TGFA: variants seen among roughly 807,000 people sequenced by gnomAD.
TGFA encodes the protein transforming growth factor alpha.
A neutral mutation model predicts 21.7 loss-of-function variants in TGFA; 12 were observed. The observed-to-expected ratio is 0.55, with a 90% CI of 0.35 to 0.90. The LOEUF is 0.90. Ranked by LOEUF, TGFA falls within the 40% of genes least tolerant of loss-of-function variation. The probability of loss-of-function intolerance (pLI) is 0.01; values close to 1 mark genes in which losing one functional copy is unlikely to be tolerated. For synonymous variants in TGFA, 79 were observed against 88.1 expected (o/e 0.90, Z 0.58); for missense variants, 178 against 210.8 (o/e 0.84, Z 0.96).
At chr2:70,452,336 A>T (rs1448094763) in intron 5 of TGFA, among the ~76,000 whole-genome samples, 1 of 152,190 alleles carries the variant, frequency 6.6e-6, no homozygotes, top group Admixed American at 6.5e-5. Context: ...CTCCACAAGC[A>T]CAGAGCCACT....
At chr2:70,514,770 G>T (rs1672216121) in intron 2 of TGFA, 89 bp downstream of exon 2, 2 of 1,387,312 alleles carry the variant, frequency 1.4e-6, no homozygotes, top group Non-Finnish European at 1.0e-6. Flanking sequence ...TGGGCAGGAG[G>T]CCAGGGAGGG....
chr2:70,487,407 A>C (rs180826789), intron 2 of TGFA, among the ~76,000 whole-genome samples: 3 of 152,360 alleles, frequency 2.0e-5, no homozygotes, highest in Non-Finnish European at 4.4e-5. Flanking sequence ...ATGAGATATG[A>C]GATATCCTGG....
At chr2:70,462,266 G>A (rs1670426195) in intron 3 of TGFA, among the ~76,000 whole-genome samples, 2 of 152,334 alleles carry the variant, frequency 1.3e-5, no homozygotes, top group South Asian at 4.1e-4. Flanking sequence ...TTTGGGTACT[G>A]TAAATACAAA....
intron 2 of TGFA, among the ~76,000 whole-genome samples, chr2:70,482,241 C>A (rs1025456650): frequency 6.6e-6 from 1 of 152,060 alleles, no homozygotes; most frequent in African/African-American, 2.4e-5. Context: ...TACGTACTAC[C>A]TAAGTTAATT....
chr2:70,466,740 C>T (rs760757597), intron 2 of TGFA, among the ~76,000 whole-genome samples: 2 of 152,104 alleles, frequency 1.3e-5, no homozygotes, highest in Admixed American at 6.5e-5. Flanking sequence ...TGCGTCTGTT[C>T]GTGGCAGGCC....
intron 2 of TGFA, among the ~76,000 whole-genome samples, chr2:70,490,975 A>G (rs1480341979): frequency 2.0e-5 from 3 of 152,180 alleles, no homozygotes; most frequent in African/African-American, 7.2e-5. Flanking sequence ...GGTTTCCCCA[A>G]GCAGATCAGG....
chr2:70,547,272 A>G (rs1673334301), intron 1 of TGFA, among the ~76,000 whole-genome samples: 1 of 152,146 alleles, frequency 6.6e-6, no homozygotes, highest in Admixed American at 6.5e-5. Context: ...GCCACTAGAA[A>G]TGCTATAGAT....
At chr2:70,504,453 TATATATATATAC>T (rs1295691818) in intron 2 of TGFA, among the ~76,000 whole-genome samples, 1,131 of 75,156 alleles carry the variant, frequency 0.015, 57 homozygotes, top group African/African-American at 0.087. Flanking sequence ...TATATATATA[TATATATATATAC>T]ACACATACAT....
chr2:70,471,122 T>G, intron 2 of TGFA, among the ~76,000 whole-genome samples: 1 of 121,244 alleles, frequency 8.2e-6, no homozygotes, highest in Non-Finnish European at 1.7e-5. Context: ...CCCCCCACCA[T>G]ATAACCAAAC....
Position 70,451,630 on chromosome 2 carries a change from G to A in TGFA, c.476-764C>T, listed in dbSNP as rs1670061086. ...AACTTACTCCACCCCAAATGACTCT[G>A]TTAGGTTCAGACAAATGCTACAGAA... On this transcript the variant is annotated intron_variant, in intron 5 of 5. Transcript: ENST00000295400. The A allele has an allele frequency of 4.8e-6, 3 of 631,178 alleles. No individual in the cohort carries two copies. The South Asian group carries it at 5.7e-5, about 12-fold the overall frequency. 39.1% of individuals were successfully genotyped at this position (631,178 alleles called of 1,614,324 possible). A position where few individuals can be genotyped will look rare whatever the true frequency, so the allele number is the denominator to read the frequency against.
At chr2:70,462,966 T>A (rs1349261650) in intron 3 of TGFA, among the ~76,000 whole-genome samples, 2 of 151,834 alleles carry the variant, frequency 1.3e-5, no homozygotes, top group Admixed American at 1.3e-4. Context: ...AGGAGGAGGG[T>A]TAATTTGCAG....
At chr2:70,532,535 C>T (rs1553503833) in intron 1 of TGFA, among the ~76,000 whole-genome samples, 2 of 152,214 alleles carry the variant, frequency 1.3e-5, no homozygotes, top group Admixed American at 6.5e-5. Context: ...AATCCTCTTC[C>T]TCATTCACAA....
intron 2 of TGFA, among the ~76,000 whole-genome samples, chr2:70,507,614 T>A (rs543962712): frequency 5.9e-5 from 9 of 152,332 alleles, no homozygotes; most frequent in Non-Finnish European, 1.2e-4. Context: ...GTAAAACAGA[T>A]CCCTAAGTAC....
chr2:70,498,872 C>T (rs1671654252), intron 2 of TGFA, among the ~76,000 whole-genome samples: 1 of 152,146 alleles, frequency 6.6e-6, no homozygotes, highest in South Asian at 2.1e-4. Context: ...GAGTCCTTCC[C>T]TCTTTTTCCC....
chr2:70,506,349 C>T (rs1671925987), intron 2 of TGFA, among the ~76,000 whole-genome samples: 1 of 152,168 alleles, frequency 6.6e-6, no homozygotes. Flanking sequence ...GTATCTCAGC[C>T]TACAAGGGCA....
At chr2:70,524,744 G>A (rs957093419) in intron 1 of TGFA, among the ~76,000 whole-genome samples, 4 of 152,222 alleles carry the variant, frequency 2.6e-5, no homozygotes, top group Non-Finnish European at 5.9e-5. Context: ...ACAAAGCTGG[G>A]GATAAAGTGG....
At chr2:70,553,547 A>G (rs1673583255) in intron 1 of TGFA, 181 bp downstream of exon 1, 1 of 1,361,836 alleles carries the variant, frequency 7.3e-7, no homozygotes, top group Non-Finnish European at 9.4e-7. Context: ...TCGACCGGAC[A>G]GTCCCCTCTT....
At chr2:70,512,349 A>T (rs918568318) in intron 2 of TGFA, among the ~76,000 whole-genome samples, 31 of 152,274 alleles carry the variant, frequency 2.0e-4, no homozygotes, top group African/African-American at 6.5e-4. Flanking sequence ...CAGAGAGGGC[A>T]GACGGGCAGC....
intron 2 of TGFA, among the ~76,000 whole-genome samples, chr2:70,484,505 ATTTCT>A (rs1340755357): frequency 6.6e-6 from 1 of 152,192 alleles, no homozygotes; most frequent in Admixed American, 6.5e-5. Flanking sequence ...CCTGGCAAAC[ATTTCT>A]TTACTTCATA....
Sources: allele counts gnomAD v4.1 joint callset (sites outside exome capture counted in the v4.1 genomes callset), GRCh38; gene constraint gnomAD v4.1.1; transcripts MANE v1.5; gene names NCBI Gene and HGNC (gene_info 2026-07-23, HGNC 2026-07-21).